Variants in NDRG3 observed in about 807,000 individuals in gnomAD.
The protein encoded by NDRG3 is NDRG family member 3, also known as protein NDRG3.
NDRG3 carries 23 observed loss-of-function variants against 57.2 expected under a neutral mutation model. That is an observed-to-expected ratio of 0.40 (90% CI 0.29 to 0.57). The LOEUF (loss-of-function observed/expected upper bound fraction) is 0.57. Among genes scored for constraint, NDRG3 ranks in the 20% least tolerant of loss-of-function variants. The probability of loss-of-function intolerance (pLI) is 0.42; values close to 1 mark genes in which losing one functional copy is unlikely to be tolerated. For synonymous variants in NDRG3, 132 were observed against 162.6 expected (o/e 0.81, Z 1.43); for missense variants, 384 against 457.3 (o/e 0.84, Z 1.46).
chr20:36,730,208 C>T (rs934686586), intron 1 of NDRG3, among the ~76,000 whole-genome samples: 4 of 150,072 alleles, frequency 2.7e-5, no homozygotes, highest in Non-Finnish European at 4.4e-5. Flanking sequence ...GATTGTGCCA[C>T]TGCACTCCAG....
intron 1 of NDRG3, among the ~76,000 whole-genome samples, chr20:36,735,970 C>CAAAA (rs576981000): frequency 2.0e-5 from 1 of 50,960 alleles, no homozygotes; most frequent in African/African-American, 7.0e-5. Flanking sequence ...GGCCCTGTCT[C>CAAAA]AAAAAAAAAA....
chr20:36,684,262 T>C (rs1363009734), intron 6 of NDRG3, 151 bp downstream of exon 6: 2 of 628,218 alleles, frequency 3.2e-6, no homozygotes, highest in African/African-American at 3.7e-5. Flanking sequence ...TATAGAACTT[T>C]ATTATTTGTT....
rs149565643 is a variant in NDRG3 at position 36,724,650 on chromosome 20, G to A, written c.-48-2867C>T. 4.9e-4 allele frequency among the ~76,000 whole-genome samples: 75 copies of A among 152,302 alleles called. No individual in the cohort carries two copies. In the East Asian group the frequency reaches 5.6e-3, roughly 11 times the overall value. On this transcript the variant is annotated intron_variant, in intron 1 of 15. Coordinates refer to ENST00000349004, the MANE Select transcript of NDRG3 (RefSeq NM_032013.4). Reference sequence around the variant, plus strand: ...GGCAATTTAAAAGCGTTTTCCGGCCGGGCCCGGTGGCTCGCACCTGTAATC... The same window carrying A: ...GGCAATTTAAAAGCGTTTTCCGGCCAGGCCCGGTGGCTCGCACCTGTAATC...
In NDRG3 at chr20:36,697,965, T is replaced by C. The variant is rs950605668; in HGVS notation, c.93+9007A>G. On this transcript the variant is annotated intron_variant, in intron 3 of 15. Coordinates refer to ENST00000349004, the MANE Select transcript of NDRG3 (RefSeq NM_032013.4). ...ATTTGCGAGTTTTTTTCTTTTTTCTTTTTTTTTTTTTTTTTTTTGAGACAG... is the reference window on the plus strand; with the variant it reads ...ATTTGCGAGTTTTTTTCTTTTTTCTCTTTTTTTTTTTTTTTTTTGAGACAG... Among the ~76,000 whole-genome samples, 10 of 140,094 alleles carry C rather than the reference T, an allele frequency of 7.1e-5. No homozygotes were observed. The South Asian group carries it at 2.1e-3, about 29-fold the overall frequency. The allele number at this position is 140,094 out of a possible 152,430, so 91.9% of individuals were successfully genotyped here.
intron 3 of NDRG3, among the ~76,000 whole-genome samples, chr20:36,703,704 A>G (rs1356187861): frequency 6.6e-6 from 1 of 152,162 alleles, no homozygotes; most frequent in Non-Finnish European, 1.5e-5. Context: ...CTCCTGCATT[A>G]GCCTCCCAAA....
chr20:36,679,983 C>T (rs1981112515), intron 8 of NDRG3, among the ~76,000 whole-genome samples: 1 of 151,240 alleles, frequency 6.6e-6, no homozygotes, highest in Non-Finnish European at 1.5e-5. Flanking sequence ...CACCACCACA[C>T]CCGACTAATT....
chr20:36,672,967 G>A (rs1214879778), intron 8 of NDRG3, among the ~76,000 whole-genome samples: 2 of 152,006 alleles, frequency 1.3e-5, no homozygotes, highest in African/African-American at 2.4e-5. Context: ...AGGCTCAAGC[G>A]ATTTTCCGGC....
At position 36,738,715 on chromosome 20, in the gene NDRG3, C is replaced by T. The variant is rs548983676; in HGVS notation, c.-49+7330G>A. Reference sequence around the variant, plus strand: ...GCATGCACCTGTAATCCCAGCTACTCGGGAGGCTGAGGCAGGAGAACTGCT... The same window carrying T: ...GCATGCACCTGTAATCCCAGCTACTTGGGAGGCTGAGGCAGGAGAACTGCT... On this transcript the variant is annotated intron_variant, in intron 1 of 15. Coordinates refer to ENST00000349004, the MANE Select transcript of NDRG3 (RefSeq NM_032013.4). 1.3e-4 allele frequency among the ~76,000 whole-genome samples: 19 copies of T among 145,238 alleles called. No individual in the cohort carries two copies. The South Asian group carries it at 3.8e-3, about 29-fold the overall frequency.
At chr20:36,682,223 AC>A (rs1255858323) in intron 7 of NDRG3, among the ~76,000 whole-genome samples, 4 of 152,194 alleles carry the variant, frequency 2.6e-5, no homozygotes, top group Non-Finnish European at 4.4e-5. Context: ...ATGTATGCAA[AC>A]CATGTATCAT....
Position 36,739,134 on chromosome 20 carries a change from C to CA in NDRG3, c.-49+6910dup, listed in dbSNP as rs57208101. On this transcript the variant is annotated intron_variant, in intron 1 of 15. Transcript: ENST00000349004. ...TGGGTGACAAAACGAGACCCCATCTCAAAAAAAAAAAAAAAAAAAAAAAAA... is the reference window on the plus strand; with the variant it reads ...TGGGTGACAAAACGAGACCCCATCTCAAAAAAAAAAAAAAAAAAAAAAAAAA... Among the ~76,000 whole-genome samples the CA allele has an allele frequency of 2.4e-3, 210 of 87,126 alleles. 13 individuals carry two copies. Among genetic ancestry groups the CA allele is most frequent in the Admixed American group, 4.0e-3 (29 of 7,320 alleles). 57.2% of individuals were successfully genotyped at this position (87,126 alleles called of 152,430 possible).
At chr20:36,721,815 G>T (rs2148198084) in intron 1 of NDRG3, 32 bp from the exon 2 acceptor site, 1 of 1,024,440 alleles carries the variant, frequency 9.8e-7, no homozygotes, top group Middle Eastern at 2.2e-4. Flanking sequence ...TGAAGAAAAA[G>T]GCTTAAGCCA....
At chr20:36,696,167 G>A (rs2148144273) in intron 3 of NDRG3, among the ~76,000 whole-genome samples, 2 of 152,252 alleles carry the variant, frequency 1.3e-5, no homozygotes, top group Middle Eastern at 6.8e-3. Flanking sequence ...TGTGATCTCG[G>A]CTCACTGCAA....
At chr20:36,693,117 T>A (rs1568647011) in intron 3 of NDRG3, among the ~76,000 whole-genome samples, 48 of 47,892 alleles carry the variant, frequency 1.0e-3, no homozygotes, top group Admixed American at 1.4e-3. Context: ...TATATATATA[T>A]ATATATATAT....
At chr20:36,690,312 C>T (rs1326843549) in intron 3 of NDRG3, among the ~76,000 whole-genome samples, 1 of 152,184 alleles carries the variant, frequency 6.6e-6, no homozygotes. Context: ...AGCTCAGGAA[C>T]CAAATAGAGC....
chr20:36,665,682 T>C (rs1160936111), intron 10 of NDRG3, among the ~76,000 whole-genome samples: 2 of 152,140 alleles, frequency 1.3e-5, no homozygotes, highest in African/African-American at 4.8e-5. Flanking sequence ...CACTGCAACC[T>C]CCGCCTCCCG....
intron 3 of NDRG3, chr20:36,700,683 T>C (rs1203383130): frequency 9.3e-6 from 3 of 320,966 alleles, no homozygotes; most frequent in Non-Finnish European, 6.1e-6. Context: ...AATGAGCCTG[T>C]GCTCAAAGAG....
intron 1 of NDRG3, among the ~76,000 whole-genome samples, chr20:36,724,611 C>T (rs555905664): frequency 6.6e-6 from 1 of 152,274 alleles, no homozygotes; most frequent in East Asian, 1.9e-4. Context: ...TACTATTTAT[C>T]AGTTATTTTA....
intron 5 of NDRG3, 124 bp downstream of exon 5, chr20:36,687,368 T>A: frequency 8.3e-7 from 1 of 1,206,330 alleles, no homozygotes; most frequent in Non-Finnish European, 1.1e-6. Context: ...GGATGGTTGG[T>A]CAATAAGCAT....
intron 10 of NDRG3, 29 bp from the exon 11 acceptor site, chr20:36,665,330 T>G: frequency 5.0e-6 from 8 of 1,606,762 alleles, no homozygotes; most frequent in Non-Finnish European, 6.8e-6. Flanking sequence ...AGCAATGCCC[T>G]TTTTGGGTAA....
Sources: allele counts gnomAD v4.1 joint callset (sites outside exome capture counted in the v4.1 genomes callset), GRCh38; gene constraint gnomAD v4.1.1; transcripts MANE v1.5; gene names NCBI Gene and HGNC (gene_info 2026-07-23, HGNC 2026-07-21).